The following ARL6 variants were observed in gnomAD, a reference collection of about 807,000 sequenced individuals.
The protein encoded by ARL6 is ARF like GTPase 6.
ARL6 carries 18 observed loss-of-function variants against 27.1 expected under a neutral mutation model. That is an observed-to-expected ratio of 0.66 (90% CI 0.46 to 0.98). The LOEUF (loss-of-function observed/expected upper bound fraction) is 0.98, where lower values mean the gene tolerates loss of function less well. ARL6 is among the 50% of genes least tolerant of loss of function. The probability of loss-of-function intolerance (pLI) is 0.00; values close to 1 mark genes in which losing one functional copy is unlikely to be tolerated. For synonymous variants in ARL6, 65 were observed against 72.3 expected (o/e 0.90, Z 0.51); for missense variants, 187 against 214.9 (o/e 0.87, Z 0.81).
At chr3:97,794,018 T>C (rs2037871846) in intron 7 of ARL6, among the ~76,000 whole-genome samples, 1 of 152,172 alleles carries the variant, frequency 6.6e-6, no homozygotes, top group Non-Finnish European at 1.5e-5. Context: ...TTAAATTAGA[T>C]ACTGTTAAAG....
In ARL6 at chr3:97,780,211, A is replaced by G. The variant is rs770255102; in HGVS notation, c.176A>G (p.Lys59Arg). 3 of 1,612,272 alleles carry G rather than the reference A, an allele frequency of 1.9e-6. No individual in the cohort carries two copies. Among genetic ancestry groups the G allele is most frequent in the South Asian group, 1.1e-5 (1 of 90,898 alleles). Reference protein sequence around the residue: ...PTIGFSIEKFKSSSLSFTVFD... With the variant: ...PTIGFSIEKFRSSSLSFTVFD... ...ATAGGATTCAGCATAGAGAAATTCAAATCATCCAGGTAATCCACTTTATCC... is the reference window on the plus strand; with the variant it reads ...ATAGGATTCAGCATAGAGAAATTCAGATCATCCAGGTAATCCACTTTATCC... The change falls in exon 3 of 8, where the codon AAA becomes AGA. Residue 59 changes from lysine to arginine, a missense_variant. Lys to Arg is a conservative substitution (Grantham distance 26). Coordinates refer to ENST00000463745, the MANE Select transcript of ARL6 (RefSeq NM_001278293.3).
chr3:97,791,845 T>C lies in ARL6; in HGVS notation c.535+19T>C, dbSNP rs2037754556. 1.2e-6 allele frequency: 2 copies of C among 1,607,432 alleles called. No individual in the cohort carries two copies. ...CTTCAAGGTACATTACAAAATACTG[T>C]GTGTCTTCAGCCTTTGTTTCCTTTT... On this transcript the variant is annotated intron_variant, in intron 7 of 7. Transcript: ENST00000463745.
chr3:97,772,871 C>T (rs563535835), intron 2 of ARL6, among the ~76,000 whole-genome samples: 17 of 152,168 alleles, frequency 1.1e-4, no homozygotes, highest in African/African-American at 2.9e-4. Context: ...CTGCCCACCT[C>T]GGCCTCCCAA....
intron 5 of ARL6, among the ~76,000 whole-genome samples, chr3:97,785,777 G>A (rs558736488): frequency 3.4e-4 from 51 of 152,170 alleles, no homozygotes; most frequent in African/African-American, 8.9e-4. Flanking sequence ...TACAAACAGT[G>A]CTCCAGTAAG....
rs372766876 is a variant in ARL6, at chr3:97,773,779, T to C, written c.123+5549T>C. 5.9e-5 allele frequency among the ~76,000 whole-genome samples: 9 copies of C among 152,360 alleles called. No homozygotes were observed. The East Asian group carries it at 1.3e-3, about 23-fold the overall frequency. On this transcript the variant is annotated intron_variant, in intron 2 of 7. Transcript: ENST00000463745. ...GGAAATACTCATGGCAGTTACAGTC[T>C]TTGTTTCTGTAACTGGTCATGTGGT...
Position 97,796,046 on chromosome 3 carries a change from G to A in ARL6, c.536-1978G>A, listed in dbSNP as rs767126883. On this transcript the variant is annotated intron_variant, in intron 7 of 7. Transcript: ENST00000463745. ...TCCCAAGGAAATGGCTTAGCCAGAC[G>A]TACTAAAAGGAAGACCATATTTGAC... 4.6e-5 allele frequency among the ~76,000 whole-genome samples: 7 copies of A among 152,134 alleles called. 1 individual carries two copies. The highest frequency in any genetic ancestry group is 1.2e-4 in the African/African-American group (5 of 41,430).
chr3:97,793,905 A>G (rs1350792265), intron 7 of ARL6, among the ~76,000 whole-genome samples: 1 of 151,930 alleles, frequency 6.6e-6, no homozygotes, highest in Non-Finnish European at 1.5e-5. Flanking sequence ...AATTTATTCT[A>G]CTACTTATTA....
Position 97,780,206 on chromosome 3 carries a change from A to C in ARL6, c.171A>C (p.Lys57Asn). 6.2e-7 allele frequency: 1 copy of C among 1,612,574 alleles called. No individual in the cohort carries two copies. The highest frequency in any genetic ancestry group is 8.5e-7 in the Non-Finnish European group (1 of 1,179,014). The change falls in exon 3 of 8, where the codon AAA becomes AAC. Residue 57 changes from lysine to asparagine, a missense_variant. By Grantham distance (94) the Lys-to-Asn change is moderately conservative. Transcript: ENST00000463745. ...ILPTIGFSIE[K>N]FKSSSLSFTV... Reference sequence around the variant, plus strand: ...CAACAATAGGATTCAGCATAGAGAAATTCAAATCATCCAGGTAATCCACTT... The same window carrying C: ...CAACAATAGGATTCAGCATAGAGAACTTCAAATCATCCAGGTAATCCACTT...
At chr3:97,796,986 G>A (rs2038034695) in intron 7 of ARL6, among the ~76,000 whole-genome samples, 1 of 152,044 alleles carries the variant, frequency 6.6e-6, no homozygotes, top group Non-Finnish European at 1.5e-5. Flanking sequence ...GAAAATCTTG[G>A]TACCAGCATT....
chr3:97,795,548 G>A (rs2037960079), intron 7 of ARL6, among the ~76,000 whole-genome samples: 1 of 152,140 alleles, frequency 6.6e-6, no homozygotes, highest in Non-Finnish European at 1.5e-5. Context: ...AAGAAGGGAA[G>A]TAGTGAAAAT....
rs766454005 is a variant in ARL6 at position 97,798,075 on chromosome 3, A to T, written c.*26A>T. ...AAAGATAATAGTTGGAAACCTCAGC[A>T]ATTTTCAATTCAAGGAATCTATCTA... On this transcript the variant is annotated 3_prime_UTR_variant, in exon 8 of 8. Coordinates refer to ENST00000463745, the MANE Select transcript of ARL6 (RefSeq NM_001278293.3). The T allele has an allele frequency of 6.2e-6, 10 of 1,606,802 alleles. No individual in the cohort carries two copies. The South Asian group carries it at 1.1e-4, about 18-fold the overall frequency.
chr3:97,785,377 C>A (rs940041710), intron 5 of ARL6, among the ~76,000 whole-genome samples: 1 of 148,150 alleles, frequency 6.7e-6, no homozygotes, highest in African/African-American at 2.5e-5. Flanking sequence ...AAATAAAGAT[C>A]TGTGTATTTC....
chr3:97,766,281 T>C (rs1185190658), intron 1 of ARL6, among the ~76,000 whole-genome samples: 2 of 152,240 alleles, frequency 1.3e-5, no homozygotes, highest in Non-Finnish European at 2.9e-5. Context: ...ATAGCAAATT[T>C]ACTTTGAAAT....
chr3:97,767,065 A>C (rs2036415561), intron 1 of ARL6, among the ~76,000 whole-genome samples: 1 of 152,150 alleles, frequency 6.6e-6, no homozygotes, highest in African/African-American at 2.4e-5. Flanking sequence ...TTTTATGTAC[A>C]CAGCAGTTTT....
chr3:97,765,129 C>T (rs140986737), intron 1 of ARL6, among the ~76,000 whole-genome samples, 152 bp downstream of exon 1: 4 of 151,700 alleles, frequency 2.6e-5, no homozygotes, highest in East Asian at 3.9e-4. Context: ...TTATAGAGGC[C>T]CTAGAAAACT....
At chr3:97,795,156 G>T (rs1427237771) in intron 7 of ARL6, among the ~76,000 whole-genome samples, 4 of 152,174 alleles carry the variant, frequency 2.6e-5, no homozygotes, top group African/African-American at 9.7e-5. Flanking sequence ...CGATTCTGTT[G>T]TCTTTGGAAA....
At chr3:97,777,235 C>G (rs189654904) in intron 2 of ARL6, among the ~76,000 whole-genome samples, 3 of 152,230 alleles carry the variant, frequency 2.0e-5, no homozygotes, top group African/African-American at 4.8e-5. Flanking sequence ...CAAATAGGAT[C>G]TCTCTCAGAA....
At chr3:97,771,890 T>G (rs149289179) in intron 2 of ARL6, among the ~76,000 whole-genome samples, 33 of 152,302 alleles carry the variant, frequency 2.2e-4, no homozygotes, top group African/African-American at 7.5e-4. Flanking sequence ...ATCCTACTGA[T>G]CATGGTGAAT....
intron 7 of ARL6, among the ~76,000 whole-genome samples, chr3:97,797,571 C>T (rs915813963): frequency 6.6e-6 from 1 of 151,916 alleles, no homozygotes; most frequent in Non-Finnish European, 1.5e-5. Flanking sequence ...GAAGAAGTAA[C>T]AATAAAAGTA....
Sources: allele counts gnomAD v4.1 joint callset (sites outside exome capture counted in the v4.1 genomes callset), GRCh38; gene constraint gnomAD v4.1.1; transcripts MANE v1.5; gene names NCBI Gene and HGNC (gene_info 2026-07-23, HGNC 2026-07-21).